The following GPBP1 variants were observed in gnomAD, a reference collection of about 807,000 sequenced individuals.
GPBP1 encodes GC-rich promoter binding protein 1.
A neutral mutation model predicts 56.5 loss-of-function variants in GPBP1; 13 were observed. That is an observed-to-expected ratio of 0.23 (90% CI 0.15 to 0.37). The LOEUF (loss-of-function observed/expected upper bound fraction) is 0.37, where lower values mean the gene tolerates loss of function less well. Among genes scored for constraint, GPBP1 ranks in the 10% least tolerant of loss-of-function variants. The probability of loss-of-function intolerance (pLI) is 1.00; values close to 1 mark genes in which losing one functional copy is unlikely to be tolerated. For missense variants in GPBP1, 477 were observed against 572.3 expected, an observed-to-expected ratio of 0.83 and a Z score of 1.70; for synonymous variants, 204 against 188.9, an observed-to-expected ratio of 1.08 and a Z score of -0.66.
chr5:57,235,048 TG>T (rs1411647413), intron 5 of GPBP1, among the ~76,000 whole-genome samples: 3 of 152,204 alleles, frequency 2.0e-5, no homozygotes, highest in African/African-American at 7.2e-5. Flanking sequence ...GGCTCACTCC[TG>T]TAATCCCAGC....
At chr5:57,252,338 G>A (rs949565568) in intron 10 of GPBP1, among the ~76,000 whole-genome samples, 1 of 152,042 alleles carries the variant, frequency 6.6e-6, no homozygotes, top group African/African-American at 2.4e-5. Flanking sequence ...CCTGGATGAT[G>A]TGAGGTAGGA....
At chr5:57,183,767 T>A (rs112798200) in intron 2 of GPBP1, among the ~76,000 whole-genome samples, 21 of 147,332 alleles carry the variant, frequency 1.4e-4, no homozygotes, top group African/African-American at 5.2e-4. Flanking sequence ...GGATATGAAT[T>A]TTTTTTTTTT....
chr5:57,206,001 A>C (rs894508390), intron 2 of GPBP1, among the ~76,000 whole-genome samples: 5 of 152,170 alleles, frequency 3.3e-5, no homozygotes, highest in African/African-American at 1.2e-4. Flanking sequence ...TCCTGGGTCA[A>C]GTGATCCTCC....
intron 3 of GPBP1, among the ~76,000 whole-genome samples, chr5:57,221,030 T>C (rs1195239504): frequency 6.6e-6 from 1 of 152,228 alleles, no homozygotes; most frequent in African/African-American, 2.4e-5. Flanking sequence ...CGGCAGTATT[T>C]ATTTTTTGTT....
At chr5:57,186,103 T>C (rs1057049090) in intron 2 of GPBP1, among the ~76,000 whole-genome samples, 1 of 152,130 alleles carries the variant, frequency 6.6e-6, no homozygotes, top group African/African-American at 2.4e-5. Flanking sequence ...GCAAAAATTT[T>C]AAGTACTGAA....
In GPBP1 at chr5:57,262,694, C is replaced by A; in HGVS notation, c.1364C>A (p.Thr455Asn). 6.2e-7 allele frequency: 1 copy of A among 1,613,734 alleles called. No homozygotes were observed. Among genetic ancestry groups the A allele is most frequent in the East Asian group, 2.2e-5 (1 of 44,854 alleles). Residue 455 changes from threonine (T) to asparagine (N), a missense_variant, in exon 12 of 12, where the codon ACT (threonine) becomes AAT (asparagine). Around this residue, in one of 2 missense-constraint regions of GPBP1, gnomAD observed 63 missense variants for 114.0 expected, o/e 0.55. Transcript: ENST00000506184. The part of the protein sequence containing the change: ...PWKNSTFKPT[T>N]ENDDTETSSS... ...AAGAACAGCACTTTCAAACCCACAA[C>A]TGAGAATGATGACACAGAGACAAGT...
intron 6 of GPBP1, among the ~76,000 whole-genome samples, chr5:57,238,035 A>G (rs1279402175): frequency 3.9e-5 from 6 of 152,306 alleles, no homozygotes; most frequent in Non-Finnish European, 7.4e-5. Context: ...CATGCAGCTT[A>G]TATCTGTGAC....
intron 2 of GPBP1, among the ~76,000 whole-genome samples, chr5:57,211,275 C>A (rs1422127796): frequency 1.3e-5 from 2 of 151,934 alleles, no homozygotes; most frequent in African/African-American, 2.4e-5. Flanking sequence ...CAGCCTCAAA[C>A]TTCTGGTCTC....
chr5:57,250,596 A>T (rs1741337644), intron 9 of GPBP1, among the ~76,000 whole-genome samples: 1 of 147,548 alleles, frequency 6.8e-6, no homozygotes, highest in African/African-American at 2.5e-5. Context: ...AGTATAGTGT[A>T]CAATGGCATG....
intron 2 of GPBP1, among the ~76,000 whole-genome samples, chr5:57,198,010 T>C (rs1009533476): frequency 2.6e-5 from 4 of 152,128 alleles, no homozygotes; most frequent in Non-Finnish European, 5.9e-5. Context: ...TAGCTCCTTA[T>C]TTGTGTTTGA....
At chr5:57,190,111 C>T (rs1296248570) in intron 2 of GPBP1, among the ~76,000 whole-genome samples, 1 of 149,128 alleles carries the variant, frequency 6.7e-6, no homozygotes, top group African/African-American at 2.4e-5. Flanking sequence ...TCTCAGTGCA[C>T]TTATTTGCAC....
chr5:57,239,734 C>T (rs961928414), intron 6 of GPBP1, among the ~76,000 whole-genome samples: 3 of 152,218 alleles, frequency 2.0e-5, no homozygotes, highest in Admixed American at 6.5e-5. Context: ...GAGCCAAGAT[C>T]GCGCCACTGC....
intron 2 of GPBP1, among the ~76,000 whole-genome samples, chr5:57,206,919 A>G (rs1755256809): frequency 6.6e-6 from 1 of 152,118 alleles, no homozygotes; most frequent in Admixed American, 6.6e-5. Context: ...AACCTGGGCA[A>G]CGTAGACCCC....
intron 10 of GPBP1, among the ~76,000 whole-genome samples, chr5:57,257,690 A>G (rs1196136712): frequency 6.6e-6 from 1 of 152,156 alleles, no homozygotes; most frequent in African/African-American, 2.4e-5. Flanking sequence ...CCTAGCCTCA[A>G]GTAATCCTCA....
At chr5:57,186,354 C>T (rs1324396295) in intron 2 of GPBP1, among the ~76,000 whole-genome samples, 4 of 150,806 alleles carry the variant, frequency 2.7e-5, no homozygotes, top group Non-Finnish European at 4.4e-5. Context: ...GCACTGCACT[C>T]TGGTCTGGGT....
intron 2 of GPBP1, among the ~76,000 whole-genome samples, chr5:57,209,737 A>G (rs146857617): frequency 1.7e-4 from 26 of 152,274 alleles, no homozygotes; most frequent in Middle Eastern, 3.4e-3. Flanking sequence ...TTCTGCATCA[A>G]TTAAGATGAT....
chr5:57,201,711 G>A (rs1435139089), intron 2 of GPBP1, among the ~76,000 whole-genome samples: 1 of 152,146 alleles, frequency 6.6e-6, no homozygotes, highest in African/African-American at 2.4e-5. Flanking sequence ...ATATTGTAGT[G>A]CAATGCAGAA....
chr5:57,227,284 C>T (rs1384655252), intron 3 of GPBP1, among the ~76,000 whole-genome samples: 1 of 152,142 alleles, frequency 6.6e-6, no homozygotes, highest in Non-Finnish European at 1.5e-5. Context: ...CCAGGCTCGT[C>T]TCAAACTCCT....
At chr5:57,208,395 G>T (rs887141461) in intron 2 of GPBP1, among the ~76,000 whole-genome samples, 1 of 151,900 alleles carries the variant, frequency 6.6e-6, no homozygotes, top group Non-Finnish European at 1.5e-5. Flanking sequence ...CACCATGCCT[G>T]GCTGATTTTT....
Sources: allele counts gnomAD v4.1 joint callset (sites outside exome capture counted in the v4.1 genomes callset), GRCh38; gene constraint gnomAD v4.1.1; regional missense constraint gnomAD v4.1.1; transcripts MANE v1.5; gene names NCBI Gene and HGNC (gene_info 2026-07-23, HGNC 2026-07-21).